STK3: variants seen among roughly 807,000 people sequenced by gnomAD.
STK3 encodes the protein serine/threonine kinase 3.
A neutral mutation model predicts 58.0 loss-of-function variants in STK3; 41 were observed. That is an observed-to-expected ratio of 0.71 (90% confidence interval 0.55 to 0.92). The LOEUF is 0.92. STK3 is among the 40% of genes least tolerant of loss of function. STK3 has a pLI of 0.00. For synonymous variants in STK3, 170 were observed against 191.0 expected (o/e 0.89, Z 0.91); for missense variants, 479 against 602.7 (o/e 0.79, Z 2.15).
At chr8:98,749,921 T>TA (rs1412941057) in intron 3 of STK3, among the ~76,000 whole-genome samples, 1 of 152,122 alleles carries the variant, frequency 6.6e-6, no homozygotes, top group Non-Finnish European at 1.5e-5. Flanking sequence ...ACTGAGGTCT[T>TA]ACGTCTTCCA....
chr8:98,720,489 G>A (rs887057941), intron 4 of STK3, among the ~76,000 whole-genome samples: 12 of 151,984 alleles, frequency 7.9e-5, no homozygotes, highest in Non-Finnish European at 1.2e-4. Flanking sequence ...GGTGGCTCAC[G>A]CCTGTAATCC....
intron 1 of STK3, among the ~76,000 whole-genome samples, chr8:98,790,065 T>C (rs999828963): frequency 1.4e-5 from 2 of 138,100 alleles, no homozygotes; most frequent in Non-Finnish European, 3.1e-5. Flanking sequence ...ACTAGAGAGA[T>C]TCACAGCAGA....
chr8:98,668,333 CTG>C (rs1252175891), intron 6 of STK3, among the ~76,000 whole-genome samples: 2 of 152,134 alleles, frequency 1.3e-5, no homozygotes, highest in South Asian at 2.1e-4. Flanking sequence ...TTTATCTTGA[CTG>C]TGAATAATCA....
intron 9 of STK3, among the ~76,000 whole-genome samples, chr8:98,528,362 G>C (rs1363961288): frequency 6.6e-6 from 1 of 151,908 alleles, no homozygotes; most frequent in Admixed American, 6.6e-5. Flanking sequence ...TGGCTATATT[G>C]GTCTTGATCA....
At chr8:98,909,684 T>A (rs947640524) in intron 1 of STK3, among the ~76,000 whole-genome samples, 1 of 152,256 alleles carries the variant, frequency 6.6e-6, no homozygotes, top group Non-Finnish European at 1.5e-5. Context: ...CGTGTATCAG[T>A]ACTTCATTTC....
intron 1 of STK3, among the ~76,000 whole-genome samples, chr8:98,822,693 T>C (rs956603557): frequency 4.6e-5 from 7 of 152,192 alleles, no homozygotes; most frequent in African/African-American, 1.7e-4. Context: ...AAAATGTGAA[T>C]AAAGGTAAAG....
chr8:98,743,988 C>T (rs1342553934), intron 4 of STK3, among the ~76,000 whole-genome samples: 2 of 151,990 alleles, frequency 1.3e-5, no homozygotes, highest in African/African-American at 4.8e-5. Context: ...AAATGCTCAC[C>T]ATCACTGGCC....
chr8:98,811,895 C>T (rs571782698), intron 1 of STK3, among the ~76,000 whole-genome samples: 4 of 152,302 alleles, frequency 2.6e-5, no homozygotes, highest in East Asian at 3.9e-4. Context: ...CTGCAGCCTC[C>T]GCCTCCCAAG....
the STK3 span, among the ~76,000 whole-genome samples, chr8:98,363,608 A>T: frequency 6.6e-6 from 1 of 152,260 alleles, no homozygotes; most frequent in Non-Finnish European, 1.5e-5. Flanking sequence ...AAGAAAAAAG[A>T]AAAAAGCCAA....
chr8:98,398,590 T>G (rs1817915355), downstream of STK3, among the ~76,000 whole-genome samples: 1 of 152,184 alleles, frequency 6.6e-6, no homozygotes, highest in Admixed American at 6.5e-5. Context: ...CTCTTAGTCC[T>G]AGGGGACTTG....
chr8:98,514,634 T>A (rs961247467), intron 10 of STK3, among the ~76,000 whole-genome samples: 2 of 151,842 alleles, frequency 1.3e-5, no homozygotes, highest in African/African-American at 4.8e-5. Context: ...AATATATCCA[T>A]GGGTAGATAG....
chr8:98,526,197 A>C (rs965678954), intron 10 of STK3, among the ~76,000 whole-genome samples: 38 of 152,104 alleles, frequency 2.5e-4, no homozygotes, highest in African/African-American at 8.2e-4. Context: ...TAGAAGAAAT[A>C]ATGAGAAAAT....
chr8:98,445,146 A>G (rs1013767576), intron 1 of STK3, among the ~76,000 whole-genome samples: 1 of 152,210 alleles, frequency 6.6e-6, no homozygotes, highest in African/African-American at 2.4e-5. Context: ...AGAGTTCTGC[A>G]ACCATCACAT....
chr8:98,609,122 A>AC (rs1444182468), intron 6 of STK3, among the ~76,000 whole-genome samples: 1 of 152,214 alleles, frequency 6.6e-6, no homozygotes, highest in Non-Finnish European at 1.5e-5. Flanking sequence ...TGCTCATACT[A>AC]CATCACTGAT....
At chr8:98,409,378 C>T (rs1415330932) in intron 3 of STK3, among the ~76,000 whole-genome samples, 1 of 152,220 alleles carries the variant, frequency 6.6e-6, no homozygotes, top group African/African-American at 2.4e-5. Context: ...AGCCTTCTGT[C>T]TGCACGAGGA....
intron 8 of STK3, among the ~76,000 whole-genome samples, chr8:98,574,464 C>T (rs961891121): frequency 1.7e-4 from 26 of 152,134 alleles, no homozygotes; most frequent in African/African-American, 6.3e-4. Context: ...TCTGACAGAT[C>T]CATGCAGTTC....
At chr8:98,806,195 T>C (rs1833875136) in intron 1 of STK3, among the ~76,000 whole-genome samples, 1 of 152,092 alleles carries the variant, frequency 6.6e-6, no homozygotes, top group South Asian at 2.1e-4. Context: ...TTAAATAACA[T>C]ATCTAATAAA....
intron 3 of STK3, among the ~76,000 whole-genome samples, chr8:98,858,341 G>GAGAGAGAGAGAC (rs1836778852): frequency 1.5e-5 from 2 of 132,488 alleles, no homozygotes; most frequent in Non-Finnish European, 3.2e-5. Flanking sequence ...GAGAGAGAGA[G>GAGAGAGAGAGAC]AGAGAGAGAG....
chr8:98,935,522 T>C (rs1250264225), intron 1 of STK3, among the ~76,000 whole-genome samples: 1 of 152,208 alleles, frequency 6.6e-6, no homozygotes, highest in Non-Finnish European at 1.5e-5. Context: ...AAATAATAAC[T>C]TAGAAGCTTA....
Sources: allele counts gnomAD v4.1 joint callset (sites outside exome capture counted in the v4.1 genomes callset), GRCh38; gene constraint gnomAD v4.1.1; transcripts MANE v1.5; gene names NCBI Gene and HGNC (gene_info 2026-07-23, HGNC 2026-07-21).